Variants in EPB42 observed in about 807,000 individuals in gnomAD.
EPB42 encodes the protein erythrocyte membrane protein band 4.2.
EPB42 carries 49 observed loss-of-function variants against 76.9 expected under a neutral mutation model. The ratio of observed to expected loss-of-function variants is 0.64; its 90% CI spans 0.51 to 0.81. The LOEUF is 0.81. EPB42 is among the 30% of genes least tolerant of loss of function. The pLI, the probability that EPB42 is intolerant of heterozygous loss-of-function variation, is 0.00. For missense variants in EPB42, 731 were observed against 867.6 expected (o/e 0.84, Z 1.98); for synonymous variants, 310 against 338.4 (o/e 0.92, Z 0.92).
intron 8 of EPB42, 54 bp downstream of exon 8, chr15:43,208,176 G>A (rs2042234359): frequency 2.0e-6 from 3 of 1,525,098 alleles, no homozygotes; most frequent in Admixed American, 3.4e-5. Context: ...TCCTCTCTGG[G>A]GACTTCAGCT....
intron 11 of EPB42, among the ~76,000 whole-genome samples, chr15:43,202,824 T>C (rs952074089): frequency 2.0e-5 from 3 of 152,180 alleles, no homozygotes; most frequent in African/African-American, 2.4e-5. Flanking sequence ...TCCTCTGGCA[T>C]GTGTATGAGG....
At chr15:43,208,539 T>A in intron 7 of EPB42, 98 bp downstream of exon 7, 2 of 1,580,462 alleles carry the variant, frequency 1.3e-6, no homozygotes, top group Non-Finnish European at 1.7e-6. Flanking sequence ...CTACTCTCCA[T>A]GCCAGGGCCA....
intron 7 of EPB42, 110 bp downstream of exon 7, chr15:43,208,527 G>T: frequency 6.4e-7 from 1 of 1,557,858 alleles, no homozygotes; most frequent in Non-Finnish European, 8.8e-7. Flanking sequence ...GGTCTTGAAA[G>T]CCTACTCTCC....
In EPB42 at chr15:43,197,323, T is replaced by C; in HGVS notation, c.2055A>G (p.Val685=). 6.2e-7 allele frequency: 1 copy of C among 1,614,242 alleles called. No homozygotes were observed. The highest frequency in any genetic ancestry group is 2.2e-5 in the East Asian group (1 of 44,888). Residue 685 remains valine (V), a synonymous_variant, in exon 13 of 13, where the codon GTA becomes GTG. Transcript: ENST00000441366. ...AAGTTTAAGCTGATAGTTCAGGGGC[T>C]ACCACGGTGACGCTTTTATAGTTGG... ...NLTNYKSVTV[V]APELSA is the part of the protein sequence containing the mutation.
chr15:43,209,192 C>T, intron 6 of EPB42, 82 bp downstream of exon 6: 1 of 1,540,140 alleles, frequency 6.5e-7, no homozygotes, highest in Non-Finnish European at 8.9e-7. Flanking sequence ...GCAGCACCTG[C>T]TTTTGGAGAT....
intron 11 of EPB42, among the ~76,000 whole-genome samples, chr15:43,202,648 C>T (rs949707280): frequency 6.6e-6 from 1 of 152,144 alleles, no homozygotes; most frequent in African/African-American, 2.4e-5. Context: ...TTCATTTTGG[C>T]CAGGGTAGAC....
intron 3 of EPB42, among the ~76,000 whole-genome samples, chr15:43,214,180 T>A (rs1026967082): frequency 6.6e-6 from 1 of 152,202 alleles, no homozygotes; most frequent in Non-Finnish European, 1.5e-5. Context: ...GTGGGTGAGA[T>A]AGATTTAAAA....
intron 12 of EPB42, among the ~76,000 whole-genome samples, chr15:43,201,503 A>G (rs1165697253): frequency 6.6e-6 from 1 of 152,216 alleles, no homozygotes; most frequent in Non-Finnish European, 1.5e-5. Flanking sequence ...TCTGACCACA[A>G]TGAAAGATAG....
intron 10 of EPB42, among the ~76,000 whole-genome samples, 191 bp from the exon 11 acceptor site, chr15:43,203,466 G>A (rs1382584379): frequency 3.3e-5 from 5 of 152,072 alleles, no homozygotes; most frequent in Non-Finnish European, 7.4e-5. Flanking sequence ...CACCAACCCC[G>A]ACAATGCTCT....
chr15:43,213,943 C>T (rs983254505), intron 3 of EPB42, among the ~76,000 whole-genome samples: 8 of 152,182 alleles, frequency 5.3e-5, no homozygotes, highest in Non-Finnish European at 1.0e-4. Context: ...TCAGGAGCTG[C>T]GGGCCAGACA....
chr15:43,212,122 C>A (rs1338363202), intron 3 of EPB42, among the ~76,000 whole-genome samples: 1 of 151,962 alleles, frequency 6.6e-6, no homozygotes, highest in Non-Finnish European at 1.5e-5. Flanking sequence ...AATCCCAGCA[C>A]TTTGGGAGGC....
At chr15:43,219,220 T>C (rs2042422717) in intron 1 of EPB42, among the ~76,000 whole-genome samples, 1 of 151,990 alleles carries the variant, frequency 6.6e-6, no homozygotes, top group Non-Finnish European at 1.5e-5. Flanking sequence ...CATCATGTGG[T>C]TTTTCCAGCA....
chr15:43,204,230 C>T (rs2042167489), intron 10 of EPB42, among the ~76,000 whole-genome samples: 2 of 152,148 alleles, frequency 1.3e-5, no homozygotes, highest in South Asian at 4.1e-4. Flanking sequence ...TGCTTTTCAG[C>T]CTTGACACCT....
At chr15:43,212,138 C>T (rs1203825374) in intron 3 of EPB42, among the ~76,000 whole-genome samples, 2 of 151,920 alleles carry the variant, frequency 1.3e-5, no homozygotes, top group African/African-American at 2.4e-5. Flanking sequence ...GAGGCTGAGG[C>T]GGGTGGATCA....
In EPB42 at chr15:43,208,790, G is replaced by A; in HGVS notation, c.833-15C>T. The stretch of plus-strand genomic sequence containing the variant: ...GCATCGCAGCACTGTGAGAAGAGGG[G>A]CGGAGTGTCAGGGGGCGCTTGAGAG... On this transcript the variant is annotated splice_polypyrimidine_tract_variant and intron_variant, in intron 6 of 12. Transcript: ENST00000441366. 1 of 1,613,382 alleles carries A rather than the reference G, an allele frequency of 6.2e-7. No individual in the cohort carries two copies. The highest frequency in any genetic ancestry group is 8.5e-7 in the Non-Finnish European group (1 of 1,179,698).
intron 3 of EPB42, 57 bp from the exon 4 acceptor site, chr15:43,211,591 A>G (rs1567279543): frequency 5.3e-5 from 61 of 1,152,994 alleles, no homozygotes; most frequent in Non-Finnish European, 6.7e-5. Flanking sequence ...CACCCTCCAC[A>G]TCCAGGCCTC....
rs113227921 is a variant in EPB42, at chr15:43,220,679, C to A, written c.10+137G>T. On this transcript the variant is annotated intron_variant, in intron 1 of 12. Transcript: ENST00000441366. ...CCCCCCACAGCCACCTCATTATCAC[C>A]AGTACCCCCTCCCCCACCATAGTTA... 30 of 1,410,112 alleles carry A rather than the reference C, an allele frequency of 2.1e-5. 1 individual carries two copies. The highest frequency in any genetic ancestry group is 1.5e-4 in the African/African-American group (10 of 65,176). 87.3% of individuals were successfully genotyped at this position (1,410,112 alleles called of 1,614,324 possible).
intron 10 of EPB42, among the ~76,000 whole-genome samples, chr15:43,203,632 G>A (rs770341937): frequency 1.3e-5 from 2 of 152,094 alleles, no homozygotes; most frequent in African/African-American, 2.4e-5. Flanking sequence ...ACAGGGTCTC[G>A]CTTTGTCACC....
chr15:43,214,340 G>A (rs2042343626), intron 3 of EPB42, among the ~76,000 whole-genome samples: 1 of 152,282 alleles, frequency 6.6e-6, no homozygotes, highest in South Asian at 2.1e-4. Context: ...AGGTGGCCAC[G>A]GTTGGGGGGG....
Sources: gnomAD v4.1 joint callset for allele counts (sites outside exome capture counted in the v4.1 genomes callset) on GRCh38, gnomAD v4.1.1 for gene constraint, MANE v1.5 for transcripts, NCBI Gene and HGNC (gene_info 2026-07-23, HGNC 2026-07-21) for gene names.